PRDM16: variants seen among roughly 807,000 people sequenced by gnomAD.
The protein encoded by PRDM16 is histone-lysine N-methyltransferase PRDM16.
PRDM16 carries 23 observed loss-of-function variants against 110.6 expected under a neutral mutation model. The ratio of observed to expected loss-of-function variants is 0.21; its 90% confidence interval spans 0.15 to 0.29. The LOEUF is 0.29. PRDM16 is among the 10% of genes least tolerant of loss of function. The probability of loss-of-function intolerance (pLI) is 1.00; values close to 1 mark genes in which losing one functional copy is unlikely to be tolerated. For synonymous variants in PRDM16, 799 were observed against 781.8 expected (o/e 1.02, Z -0.37); for missense variants, 1,615 against 1,794.3 (o/e 0.90, Z 1.81).
At chr1:3,330,323 A>G (rs1642016933) in intron 3 of PRDM16, among the ~76,000 whole-genome samples, 1 of 152,192 alleles carries the variant, frequency 6.6e-6, no homozygotes, top group Admixed American at 6.5e-5. Flanking sequence ...TGGAAATTGG[A>G]GATGCTTTTT....
chr1:3,086,512 ACTGGCCTCCTCCCTCCACTT>A (rs1223543862), intron 1 of PRDM16, among the ~76,000 whole-genome samples: 59 of 151,682 alleles, frequency 3.9e-4, no homozygotes, highest in African/African-American at 1.2e-3. Flanking sequence ...TCCCTCCGCT[ACTGGCCTCCTCCCTCCACTT>A]CTGGCCTCCT....
At chr1:3,271,810 C>T (rs1180194868) in intron 3 of PRDM16, among the ~76,000 whole-genome samples, 1 of 152,190 alleles carries the variant, frequency 6.6e-6, no homozygotes, top group African/African-American at 2.4e-5. Context: ...CGGAAAGCAG[C>T]AGCAGGCCGC....
intron 3 of PRDM16, among the ~76,000 whole-genome samples, chr1:3,378,573 G>C (rs943232499): frequency 2.6e-5 from 4 of 152,122 alleles, no homozygotes; most frequent in Non-Finnish European, 5.9e-5. Context: ...TCTACAAAAT[G>C]TACCATGGGG....
At chr1:3,075,607 T>A (rs563192380) in intron 1 of PRDM16, among the ~76,000 whole-genome samples, 1 of 152,410 alleles carries the variant, frequency 6.6e-6, no homozygotes, top group South Asian at 2.1e-4. Context: ...GCAAATGCAC[T>A]GTTAAAATAA....
At chr1:3,317,547 A>G (rs1641639253) in intron 3 of PRDM16, among the ~76,000 whole-genome samples, 2 of 151,640 alleles carry the variant, frequency 1.3e-5, no homozygotes, top group Admixed American at 6.6e-5. Flanking sequence ...TCCAGACCCC[A>G]CTCCCTCTCA....
intron 2 of PRDM16, 190 bp downstream of exon 2, chr1:3,186,664 T>C (rs557163170): frequency 1.7e-5 from 9 of 532,220 alleles, no homozygotes; most frequent in African/African-American, 7.7e-5. Flanking sequence ...TCAGAGGTCC[T>C]CGTGGGTGCC....
At chr1:3,394,471 G>A (rs760442430) in intron 4 of PRDM16, 80 of 449,624 alleles carry the variant, frequency 1.8e-4, no homozygotes, top group Middle Eastern at 6.9e-4. Flanking sequence ...GACCCTCGAC[G>A]GGGGTGGGGT....
intron 3 of PRDM16, among the ~76,000 whole-genome samples, chr1:3,355,605 C>T (rs78978291): frequency 8.5e-5 from 13 of 152,248 alleles, no homozygotes; most frequent in Admixed American, 4.6e-4. Flanking sequence ...AGCATCCGCT[C>T]GACGGTGGGT....
intron 3 of PRDM16, among the ~76,000 whole-genome samples, chr1:3,254,851 C>T (rs1640010829): frequency 1.3e-5 from 2 of 152,274 alleles, no homozygotes; most frequent in South Asian, 2.1e-4. Flanking sequence ...ATCTCCAAGT[C>T]AATCCTAAGC....
chr1:3,419,643 C>T (rs774866874), intron 12 of PRDM16, among the ~76,000 whole-genome samples: 36 of 152,196 alleles, frequency 2.4e-4, no homozygotes, highest in Admixed American at 5.9e-4. Context: ...GTGCTTCACA[C>T]GGCTTAAGTT....
intron 1 of PRDM16, among the ~76,000 whole-genome samples, chr1:3,101,872 A>AC (rs1363188493): frequency 6.6e-6 from 1 of 152,010 alleles, no homozygotes; most frequent in East Asian, 1.9e-4. Context: ...CCACCCGGAG[A>AC]CCCCCAGTCC....
intron 3 of PRDM16, among the ~76,000 whole-genome samples, chr1:3,287,952 C>A (rs183556683): frequency 6.6e-6 from 1 of 152,260 alleles, no homozygotes; most frequent in East Asian, 1.9e-4. Flanking sequence ...GCTGCATGGC[C>A]GCATTTCACA....
intron 3 of PRDM16, among the ~76,000 whole-genome samples, chr1:3,261,368 G>A (rs1640161097): frequency 6.6e-6 from 1 of 152,092 alleles, no homozygotes; most frequent in South Asian, 2.1e-4. Flanking sequence ...TTGTCCTTGG[G>A]GCGAGATGAC....
intron 3 of PRDM16, among the ~76,000 whole-genome samples, chr1:3,267,669 G>A (rs1640326884): frequency 6.6e-6 from 1 of 152,226 alleles, no homozygotes; most frequent in South Asian, 2.1e-4. Flanking sequence ...CTCACAGAGC[G>A]GCTGAAGGGG....
At position 3,414,666 on chromosome 1, in the gene PRDM16, T is replaced by A. The variant is rs922905754; in HGVS notation, c.2691+19T>A. On this transcript the variant is annotated intron_variant, in intron 10 of 16. Transcript: ENST00000270722. ...CCCCCAGGTACGTCCTCAGTGCAGG[T>A]CAGGGCGCCCTGTAACCCACACGCC... 10 of 1,600,856 alleles carry A rather than the reference T, an allele frequency of 6.2e-6. No individual in the cohort carries two copies. Among genetic ancestry groups the A allele is most frequent in the Non-Finnish European group, 6.8e-6 (8 of 1,170,388 alleles).
rs908210205 is a variant in PRDM16, at chr1:3,320,315, TGTG to T, written c.439-64836_439-64834del. Among the ~76,000 whole-genome samples the T allele has an allele frequency of 1.1e-4, 16 of 152,016 alleles. 1 individual carries two copies. In the South Asian group the frequency reaches 2.3e-3, roughly 22 times the overall value. ...TTTCATGGTCCAACTCAAGAGTAGA[TGTG>T]TGTGTGTGTGCGTGTGTGTGTATGC... On this transcript the variant is annotated intron_variant, in intron 3 of 16. Coordinates refer to ENST00000270722, the MANE Select transcript of PRDM16 (RefSeq NM_022114.4).
At chr1:3,414,982 C>T (rs1435025390) in intron 10 of PRDM16, among the ~76,000 whole-genome samples, 1 of 152,178 alleles carries the variant, frequency 6.6e-6, no homozygotes, top group Non-Finnish European at 1.5e-5. Flanking sequence ...AGGGGAGCAG[C>T]CTCAGGTGGC....
chr1:3,136,990 C>G (rs1643451742), intron 1 of PRDM16, among the ~76,000 whole-genome samples: 1 of 152,202 alleles, frequency 6.6e-6, no homozygotes, highest in African/African-American at 2.4e-5. Flanking sequence ...GGGCTTGGCC[C>G]TGGGGTTCTC....
intron 3 of PRDM16, among the ~76,000 whole-genome samples, chr1:3,310,905 T>C (rs1364647257): frequency 6.6e-6 from 1 of 152,000 alleles, no homozygotes; most frequent in Non-Finnish European, 1.5e-5. Flanking sequence ...CATGTGGGCA[T>C]GTGTGGGCAC....
Sources: gnomAD v4.1 joint callset for allele counts (sites outside exome capture counted in the v4.1 genomes callset) on GRCh38, gnomAD v4.1.1 for gene constraint, MANE v1.5 for transcripts, NCBI Gene and HGNC (gene_info 2026-07-23, HGNC 2026-07-21) for gene names.